Variants in TEX9 observed in about 807,000 individuals in gnomAD.
TEX9 encodes the protein testis-expressed protein 9.
In TEX9, 74 loss-of-function variants were observed where a neutral mutation model predicts 59.6. The observed-to-expected ratio is 1.24, with a 90% CI of 1.03 to 1.51. The LOEUF is 1.51. Ranked by LOEUF, TEX9 falls within the 40% of genes most tolerant of loss-of-function variation. The probability of loss-of-function intolerance (pLI) is 0.00; values close to 1 mark genes in which losing one functional copy is unlikely to be tolerated. For synonymous variants in TEX9, 186 were observed against 152.2 expected, an observed-to-expected ratio of 1.22 and a Z score of -1.64; for missense variants, 522 against 447.8, an observed-to-expected ratio of 1.17 and a Z score of -1.49.
chr15:56,267,225 T>C (rs2044407188), intron 1 of TEX9, among the ~76,000 whole-genome samples: 1 of 152,254 alleles, frequency 6.6e-6, no homozygotes, highest in African/African-American at 2.4e-5. Context: ...TTCTGGATAT[T>C]AGCCCTTTGT....
intron 2 of TEX9, among the ~76,000 whole-genome samples, chr15:56,371,535 T>C (rs1160572199): frequency 2.0e-5 from 3 of 152,166 alleles, no homozygotes; most frequent in Non-Finnish European, 4.4e-5. Flanking sequence ...TCTTATAGTA[T>C]AAATTTTCCC....
intron 12 of TEX9, among the ~76,000 whole-genome samples, chr15:56,436,717 C>T (rs1246538127): frequency 6.6e-6 from 1 of 151,678 alleles, no homozygotes; most frequent in Non-Finnish European, 1.5e-5. Context: ...TAGCAAGACT[C>T]ATAACAAAGA....
rs71110391 is a variant in TEX9 at position 56,426,589 on chromosome 15, GTATATATATATATATATATATATATA to G, written c.964-1003_964-978del. ...TTTTTTTTTTTTTTTTTGAAAAGGT[GTATATATATATATATATATATATATA>G]TATATATATATACACACACACAAAC... On this transcript the variant is annotated intron_variant, in intron 10 of 12. Coordinates refer to ENST00000352903, the Ensembl canonical transcript of TEX9. 1.6e-3 allele frequency among the ~76,000 whole-genome samples: 38 copies of G among 24,330 alleles called. 1 individual carries two copies. Among genetic ancestry groups the G allele is most frequent in the Non-Finnish European group, 5.2e-3 (30 of 5,778 alleles). The allele number at this position is 24,330 out of a possible 152,430, so 16.0% of individuals were successfully genotyped here. A position where few individuals can be genotyped will look rare whatever the true frequency, so the allele number is the denominator to read the frequency against.
intron 1 of TEX9, among the ~76,000 whole-genome samples, chr15:56,301,428 A>C (rs991651911): frequency 1.2e-4 from 19 of 152,300 alleles, no homozygotes; most frequent in African/African-American, 4.6e-4. Flanking sequence ...TCAATATTCA[A>C]GTATAAGAAG....
chr15:56,400,654 G>A (rs983320695), intron 9 of TEX9, among the ~76,000 whole-genome samples: 1 of 152,088 alleles, frequency 6.6e-6, no homozygotes, highest in Non-Finnish European at 1.5e-5. Flanking sequence ...GATACTCCTC[G>A]AGAAGAGCAA....
chr15:56,244,195 A>T (rs1343247719), exon 1 of TEX9: 1 of 152,270 alleles, frequency 6.6e-6, no homozygotes, highest in Non-Finnish European at 1.5e-5. Flanking sequence ...AAGCAAGTAA[A>T]GAGAAATCAA....
intron 9 of TEX9, among the ~76,000 whole-genome samples, chr15:56,400,068 C>T (rs915677362): frequency 6.6e-6 from 1 of 152,188 alleles, no homozygotes; most frequent in African/African-American, 2.4e-5. Flanking sequence ...AAAACCAGAG[C>T]ACCTCTTCTT....
chr15:56,342,946 T>G (rs2046401902), intron 1 of TEX9, among the ~76,000 whole-genome samples: 1 of 152,194 alleles, frequency 6.6e-6, no homozygotes, highest in Admixed American at 6.6e-5. Context: ...GAGAGATGAT[T>G]TTAATCTTTT....
At chr15:56,317,921 A>G (rs1002230381) in intron 1 of TEX9, among the ~76,000 whole-genome samples, 3 of 152,266 alleles carry the variant, frequency 2.0e-5, no homozygotes, top group Middle Eastern at 3.4e-3. Flanking sequence ...TTTTCTGGAA[A>G]ATATCTCATG....
At chr15:56,253,598 T>C (rs1242525927) in intron 1 of TEX9, among the ~76,000 whole-genome samples, 1 of 152,112 alleles carries the variant, frequency 6.6e-6, no homozygotes, top group East Asian at 1.9e-4. Context: ...TCAGAAGGGT[T>C]CTCTTAGTGA....
chr15:56,309,602 A>G (rs2045558559), intron 1 of TEX9, among the ~76,000 whole-genome samples: 1 of 150,604 alleles, frequency 6.6e-6, no homozygotes, highest in Non-Finnish European at 1.5e-5. Flanking sequence ...CTATTTTTTA[A>G]TGGAAAAGCT....
upstream of TEX9, chr15:56,365,329 G>T: frequency 7.5e-7 from 1 of 1,327,122 alleles, no homozygotes; most frequent in Non-Finnish European, 1.0e-6. Context: ...GGCTCGCGCC[G>T]CTCGCAGCAC....
At chr15:56,375,835 T>G (rs2047419058) in intron 3 of TEX9, among the ~76,000 whole-genome samples, 1 of 150,982 alleles carries the variant, frequency 6.6e-6, no homozygotes, top group Non-Finnish European at 1.5e-5. Flanking sequence ...TGTCCAACAA[T>G]GATAGACTGG....
chr15:56,272,570 A>G (rs1448474579), intron 1 of TEX9, among the ~76,000 whole-genome samples: 4 of 152,192 alleles, frequency 2.6e-5, no homozygotes, highest in Non-Finnish European at 4.4e-5. Context: ...TGCTATGAAC[A>G]TTCATGTACA....
At chr15:56,323,624 GA>G in intron 1 of TEX9, 2 of 157,254 alleles carry the variant, frequency 1.3e-5, no homozygotes, top group Non-Finnish European at 2.8e-5. Flanking sequence ...TGTCAAGGCT[GA>G]AAAAAGTGAG....
At chr15:56,269,648 CT>C (rs2044475330) in intron 1 of TEX9, among the ~76,000 whole-genome samples, 2 of 142,722 alleles carry the variant, frequency 1.4e-5, no homozygotes, top group African/African-American at 5.3e-5. Flanking sequence ...AGTTTCTTTT[CT>C]TTTCTTTTTT....
At chr15:56,269,263 A>G (rs538020678) in intron 1 of TEX9, among the ~76,000 whole-genome samples, 238 of 152,024 alleles carry the variant, frequency 1.6e-3, no homozygotes, top group Non-Finnish European at 3.0e-3. Flanking sequence ...GTTGATCTCA[A>G]AAAACCAGCT....
chr15:56,269,653 C>CTT (rs1309147898), intron 1 of TEX9, among the ~76,000 whole-genome samples: 35 of 131,342 alleles, frequency 2.7e-4, no homozygotes, highest in African/African-American at 7.5e-4. Flanking sequence ...CTTTTCTTTT[C>CTT]TTTTTTTTTT....
intron 12 of TEX9, chr15:56,430,106 C>CACTTGATTCTACTGAATAAA (rs1164373059): frequency 4.6e-5 from 7 of 152,138 alleles, no homozygotes; most frequent in Admixed American, 4.6e-4. Context: ...AATAAATATG[C>CACTTGATTCTACTGAATAAA]ACTTGATTCT....
Sources: allele counts gnomAD v4.1 joint callset (sites outside exome capture counted in the v4.1 genomes callset), GRCh38; gene constraint gnomAD v4.1.1; transcripts MANE v1.5; gene names NCBI Gene and HGNC (gene_info 2026-07-23, HGNC 2026-07-21).